ACAP2: variants seen among roughly 807,000 people sequenced by gnomAD.
ACAP2 encodes the protein arf-GAP with coiled-coil, ANK repeat and PH domain-containing protein 2.
In ACAP2, 39 loss-of-function variants were observed where a neutral mutation model predicts 115.8. That is an observed-to-expected ratio of 0.34 (90% confidence interval 0.26 to 0.44). ACAP2 has a LOEUF of 0.44. Ranked by LOEUF, ACAP2 falls within the 20% of genes least tolerant of loss-of-function variation. The probability of loss-of-function intolerance (pLI) is 1.00; values close to 1 mark genes in which losing one functional copy is unlikely to be tolerated. For missense variants in ACAP2, 662 were observed against 927.6 expected (o/e 0.71, Z 3.72); for synonymous variants, 289 against 315.8 (o/e 0.92, Z 0.90).
At position 195,296,032 on chromosome 3, in the gene ACAP2, C is replaced by G. The variant is rs1727636969; in HGVS notation, c.1488-140G>C. Reference sequence around the variant, plus strand: ...TTAAAACTGAATCTGTGACATTATACATATATATATTATGTTTCCCTTCCA... The same window carrying G: ...TTAAAACTGAATCTGTGACATTATAGATATATATATTATGTTTCCCTTCCA... On this transcript the variant is annotated intron_variant, in intron 16 of 22. Coordinates refer to ENST00000326793, the MANE Select transcript of ACAP2 (RefSeq NM_012287.6). 4.8e-6 allele frequency: 3 copies of G among 630,462 alleles called. No individual in the cohort carries two copies. In the African/African-American group the frequency reaches 5.6e-5, roughly 12 times the overall value. 39.1% of individuals were successfully genotyped at this position (630,462 alleles called of 1,614,324 possible).
Position 195,321,589 on chromosome 3 carries a change from A to G in ACAP2, c.745-776T>C, listed in dbSNP as rs559302256. On this transcript the variant is annotated intron_variant, in intron 9 of 22. Transcript: ENST00000326793. ...TTAAAGTTACCACTATTTTCTAAATATATTACTACCATGGTAGTTCCTTTT... is the reference window on the plus strand; with the variant it reads ...TTAAAGTTACCACTATTTTCTAAATGTATTACTACCATGGTAGTTCCTTTT... 1.6e-3 allele frequency among the ~76,000 whole-genome samples: 242 copies of G among 149,702 alleles called. 1 individual carries two copies. Among genetic ancestry groups the G allele is most frequent in the African/African-American group, 5.6e-3 (229 of 40,580 alleles).
At chr3:195,315,666 A>G (rs891567837) in intron 10 of ACAP2, among the ~76,000 whole-genome samples, 1 of 152,212 alleles carries the variant, frequency 6.6e-6, no homozygotes, top group South Asian at 2.1e-4. Flanking sequence ...TTTACTGAAA[A>G]TAAGGGGCTC....
At chr3:195,376,169 C>T (rs575282193) in intron 4 of ACAP2, among the ~76,000 whole-genome samples, 4 of 152,020 alleles carry the variant, frequency 2.6e-5, no homozygotes, top group African/African-American at 9.6e-5. Flanking sequence ...CAAGGTGGGC[C>T]GATCACTTGA....
chr3:195,376,287 G>A (rs112160964), intron 4 of ACAP2, among the ~76,000 whole-genome samples: 3,299 of 152,186 alleles, frequency 0.022, 115 homozygotes, highest in East Asian at 0.1. Flanking sequence ...CCAGCTACTC[G>A]GGAGGCGGAT....
chr3:195,283,482 C>T (rs1236488671), intron 22 of ACAP2, among the ~76,000 whole-genome samples: 1 of 152,136 alleles, frequency 6.6e-6, no homozygotes, highest in Non-Finnish European at 1.5e-5. Context: ...ATTTAATTTA[C>T]CCAGAGTTCT....
At chr3:195,434,951 C>T (rs891001576) in intron 1 of ACAP2, among the ~76,000 whole-genome samples, 43 of 150,420 alleles carry the variant, frequency 2.9e-4, no homozygotes, top group Non-Finnish European at 5.4e-4. Context: ...ATGAAGTAAT[C>T]TGAGTCACTG....
intron 4 of ACAP2, among the ~76,000 whole-genome samples, chr3:195,349,274 G>T (rs1411056172): frequency 6.6e-6 from 1 of 152,096 alleles, no homozygotes; most frequent in Admixed American, 6.5e-5. Flanking sequence ...CTGAGGTCGG[G>T]AGTTTGAGAC....
At chr3:195,286,224 G>T (rs914088551) in intron 21 of ACAP2, among the ~76,000 whole-genome samples, 1 of 152,184 alleles carries the variant, frequency 6.6e-6, no homozygotes, top group Non-Finnish European at 1.5e-5. Context: ...TAGTGCAGAA[G>T]TGAGAACCTG....
intron 18 of ACAP2, 103 bp from the exon 19 acceptor site, chr3:195,292,555 C>A: frequency 9.1e-7 from 1 of 1,097,078 alleles, no homozygotes; most frequent in Non-Finnish European, 1.3e-6. Flanking sequence ...AAAAAGAGTT[C>A]TGTGGATGAA....
chr3:195,359,704 T>G (rs1309623188), intron 4 of ACAP2, among the ~76,000 whole-genome samples: 1 of 152,190 alleles, frequency 6.6e-6, no homozygotes, highest in Non-Finnish European at 1.5e-5. Context: ...CCTGCCCTCA[T>G]GATCCGCCCG....
chr3:195,318,835 A>G (rs970499476), intron 10 of ACAP2, among the ~76,000 whole-genome samples: 1 of 152,252 alleles, frequency 6.6e-6, no homozygotes, highest in Non-Finnish European at 1.5e-5. Flanking sequence ...AGCTGCAAAA[A>G]TTTGCAAAAA....
At chr3:195,313,338 C>T (rs1488697451) in intron 10 of ACAP2, among the ~76,000 whole-genome samples, 1 of 152,144 alleles carries the variant, frequency 6.6e-6, no homozygotes, top group Admixed American at 6.5e-5. Flanking sequence ...GATAGCACCT[C>T]GCGCCTCATC....
At chr3:195,416,144 G>A (rs1243720489) in intron 1 of ACAP2, among the ~76,000 whole-genome samples, 1 of 152,078 alleles carries the variant, frequency 6.6e-6, no homozygotes, top group South Asian at 2.1e-4. Flanking sequence ...TAAGGAGTTC[G>A]AGACCGCCCT....
intron 10 of ACAP2, among the ~76,000 whole-genome samples, chr3:195,317,610 G>C (rs1729182413): frequency 6.6e-6 from 1 of 152,032 alleles, no homozygotes; most frequent in South Asian, 2.1e-4. Flanking sequence ...TTTCATTTTA[G>C]TATATTACTA....
chr3:195,297,284 G>A lies in ACAP2; in HGVS notation c.1396-3C>T. ...TCATTCCCCAACTCACACATAAGCT[G>A]TTTGGCAAAAAAAAATAGAAAAATA... On this transcript the variant is annotated splice_region_variant and splice_polypyrimidine_tract_variant and intron_variant, in intron 15 of 22. Coordinates refer to ENST00000326793, the MANE Select transcript of ACAP2 (RefSeq NM_012287.6). The A allele has an allele frequency of 6.2e-7, 1 of 1,601,582 alleles. No homozygotes were observed. The highest frequency in any genetic ancestry group is 8.5e-7 in the Non-Finnish European group (1 of 1,176,150).
At chr3:195,428,246 T>C (rs1714832512) in intron 1 of ACAP2, among the ~76,000 whole-genome samples, 1 of 150,670 alleles carries the variant, frequency 6.6e-6, no homozygotes, top group Non-Finnish European at 1.5e-5. Flanking sequence ...GTCATATATA[T>C]AGGTATATAT....
intron 9 of ACAP2, among the ~76,000 whole-genome samples, chr3:195,325,058 A>G (rs1324479588): frequency 6.6e-5 from 10 of 152,204 alleles, no homozygotes; most frequent in Admixed American, 6.5e-4. Flanking sequence ...GAAGAAGTTA[A>G]AACTACAAGA....
In ACAP2 at chr3:195,276,270, A is replaced by C. The variant is rs1726184247; in HGVS notation, c.*3058T>G. On this transcript the variant is annotated 3_prime_UTR_variant, in exon 23 of 23. Coordinates refer to ENST00000326793, the MANE Select transcript of ACAP2 (RefSeq NM_012287.6). Reference sequence around the variant, plus strand: ...TGTATGTCTGGAAAAGTAACCAATCAAAGTTCATTAAAATATACAGTGAAA... The same window carrying C: ...TGTATGTCTGGAAAAGTAACCAATCCAAGTTCATTAAAATATACAGTGAAA... The C allele has an allele frequency of 6.6e-6, 1 of 152,268 alleles. No individual in the cohort carries two copies. The highest frequency in any genetic ancestry group is 1.5e-5 in the Non-Finnish European group (1 of 68,038). The allele number at this position is 152,268 out of a possible 1,614,324, so 9.4% of individuals were successfully genotyped here. A position where few individuals can be genotyped will look rare whatever the true frequency, so the allele number is the denominator to read the frequency against.
chr3:195,347,118 A>G (rs539211451), intron 4 of ACAP2, among the ~76,000 whole-genome samples: 1 of 152,214 alleles, frequency 6.6e-6, no homozygotes, highest in Non-Finnish European at 1.5e-5. Context: ...TGTTATATTT[A>G]AATTTAAAAA....
Sources: gnomAD v4.1 joint callset for allele counts (sites outside exome capture counted in the v4.1 genomes callset) on GRCh38, gnomAD v4.1.1 for gene constraint, MANE v1.5 for transcripts, NCBI Gene and HGNC (gene_info 2026-07-23, HGNC 2026-07-21) for gene names.